The following ZNF407 variants were observed in gnomAD, a reference collection of about 807,000 sequenced individuals.
The protein encoded by ZNF407 is zinc finger protein 407.
In ZNF407, 17 loss-of-function variants were observed where a neutral mutation model predicts 131.2. The observed-to-expected ratio is 0.13, with a 90% CI of 0.09 to 0.19. The LOEUF is 0.19. Ranked by LOEUF, ZNF407 falls within the 10% of genes least tolerant of loss-of-function variation. The probability of loss-of-function intolerance (pLI) is 1.00; values close to 1 mark genes in which losing one functional copy is unlikely to be tolerated. For synonymous variants in ZNF407, 1,156 were observed against 1,062.0 expected (o/e 1.09, Z -1.72); for missense variants, 2,681 against 2,830.6 (o/e 0.95, Z 1.20).
chr18:74,959,354 G>A (rs528149117), intron 8 of ZNF407, among the ~76,000 whole-genome samples: 1 of 152,336 alleles, frequency 6.6e-6, no homozygotes, highest in South Asian at 2.1e-4. Flanking sequence ...CTACTGGGAA[G>A]TAGTGGTTTG....
chr18:75,004,289 G>A (rs1972881494), intron 8 of ZNF407, among the ~76,000 whole-genome samples: 1 of 152,176 alleles, frequency 6.6e-6, no homozygotes, highest in Admixed American at 6.5e-5. Flanking sequence ...CATTCTTGGG[G>A]CTAATTTAGG....
chr18:74,923,357 A>C (rs1258350929), intron 8 of ZNF407, among the ~76,000 whole-genome samples: 1 of 151,638 alleles, frequency 6.6e-6, no homozygotes, highest in Admixed American at 6.6e-5. Context: ...CTACCAGCTT[A>C]AATTTACTGT....
chr18:74,947,992 ATAAT>A (rs1237219468), intron 8 of ZNF407, among the ~76,000 whole-genome samples: 2 of 152,226 alleles, frequency 1.3e-5, no homozygotes, highest in Non-Finnish European at 1.5e-5. Context: ...CAGAGGTAAA[ATAAT>A]TAAGCATCAA....
At chr18:74,623,157 CGT>C (rs36195417) in intron 1 of ZNF407, among the ~76,000 whole-genome samples, 125,457 of 150,478 alleles carry the variant, frequency 0.83, 52,489 homozygotes, top group Middle Eastern at 0.9. Flanking sequence ...TGTGTGAGTG[CGT>C]GTGTGTGTAC....
chr18:74,895,149 T>G (rs958449587), intron 7 of ZNF407, among the ~76,000 whole-genome samples: 12 of 152,124 alleles, frequency 7.9e-5, no homozygotes, highest in African/African-American at 2.9e-4. Flanking sequence ...CCCCTACTTA[T>G]GGCCGATATA....
intron 8 of ZNF407, among the ~76,000 whole-genome samples, chr18:74,999,196 G>T (rs2122154363): frequency 1.2e-5 from 1 of 82,890 alleles, no homozygotes; most frequent in South Asian, 5.4e-4. Flanking sequence ...TGGGGACTGT[G>T]GTGGGGTCGG....
At position 74,849,873 on chromosome 18, in the gene ZNF407, A is replaced by G. The variant is rs995635145; in HGVS notation, c.4878-27324A>G. Among the ~76,000 whole-genome samples the G allele has an allele frequency of 2.0e-5, 3 of 152,372 alleles. No homozygotes were observed. The East Asian group carries it at 5.8e-4, about 29-fold the overall frequency. On this transcript the variant is annotated intron_variant, in intron 4 of 8. Transcript: ENST00000299687. The stretch of plus-strand genomic sequence containing the variant: ...GTTTGATTTCCATTTAGTGCATGTA[A>G]GATAAGCTAACAAAACATTTTGTTT...
chr18:74,620,931 G>A (rs1983484298), intron 1 of ZNF407, among the ~76,000 whole-genome samples: 1 of 152,206 alleles, frequency 6.6e-6, no homozygotes, highest in Admixed American at 6.5e-5. Context: ...TCTGAGCCAA[G>A]CTGGCAAGGA....
chr18:74,919,511 A>G (rs1971817813), intron 7 of ZNF407, among the ~76,000 whole-genome samples: 1 of 152,122 alleles, frequency 6.6e-6, no homozygotes. Flanking sequence ...TTATTCCACA[A>G]TACCTTTGGG....
chr18:74,872,751 T>G (rs1319021849), intron 4 of ZNF407, among the ~76,000 whole-genome samples: 1 of 123,770 alleles, frequency 8.1e-6, no homozygotes, highest in Non-Finnish European at 1.7e-5. Context: ...CGAGACTCAG[T>G]CTCAAAAAAA....
At chr18:74,826,243 T>A (rs1277568474) in intron 4 of ZNF407, among the ~76,000 whole-genome samples, 1 of 152,196 alleles carries the variant, frequency 6.6e-6, no homozygotes, top group Non-Finnish European at 1.5e-5. Context: ...GTACTTCTGG[T>A]TATATGGCAA....
In ZNF407 at chr18:75,048,094, C is replaced by T. The variant is rs146557808; in HGVS notation, c.5429-15056C>T. On this transcript the variant is annotated intron_variant, in intron 8 of 8. Transcript: ENST00000299687. The surrounding 1 kb of genome is among the most constrained non-coding windows in gnomAD (Gnocchi z 4.1). The stretch of plus-strand genomic sequence containing the variant: ...GTATTCATAACTCGTTAACCACGTG[C>T]TCAAGAGGAAAATGACCAGAATCAT... 5.3e-3 allele frequency among the ~76,000 whole-genome samples: 805 copies of T among 152,262 alleles called. 8 individuals carry two copies. The highest frequency in any genetic ancestry group is 0.018 in the African/African-American group (750 of 41,552).
intron 4 of ZNF407, chr18:74,804,238 T>C (rs1970073274): frequency 8.1e-7 from 1 of 1,234,844 alleles, no homozygotes; most frequent in Admixed American, 4.0e-5. Flanking sequence ...AGTGATTTTC[T>C]GGAAGGAACT....
At chr18:75,003,465 T>C (rs1972871480) in intron 8 of ZNF407, among the ~76,000 whole-genome samples, 2 of 152,224 alleles carry the variant, frequency 1.3e-5, no homozygotes, top group Admixed American at 6.5e-5. Context: ...TCAAAAAAAA[T>C]TGGGGAAGAT....
chr18:74,962,754 C>G (rs1445667323), intron 8 of ZNF407, among the ~76,000 whole-genome samples: 1 of 152,252 alleles, frequency 6.6e-6, no homozygotes, highest in East Asian at 1.9e-4. Context: ...TCTGAGTGGA[C>G]ACAGTGCCCT....
chr18:74,651,772 A>C (rs1007484468), intron 3 of ZNF407, among the ~76,000 whole-genome samples: 1 of 152,154 alleles, frequency 6.6e-6, no homozygotes, highest in East Asian at 1.9e-4. Context: ...CCTTAGATGG[A>C]AATGTGCTGT....
intron 3 of ZNF407, among the ~76,000 whole-genome samples, chr18:74,675,774 C>A (rs1337987481): frequency 6.6e-6 from 1 of 152,054 alleles, no homozygotes; most frequent in African/African-American, 2.4e-5. Context: ...GTACTTTTAC[C>A]CTCTTTCCGA....
At chr18:74,873,929 T>C (rs9949567) in intron 4 of ZNF407, among the ~76,000 whole-genome samples, 5,059 of 152,282 alleles carry the variant, frequency 0.033, 267 homozygotes, top group African/African-American at 0.11. Context: ...TCTTGAGAAG[T>C]CTGGATCCAT....
chr18:74,604,996 C>T (rs1289952078), intron 1 of ZNF407, among the ~76,000 whole-genome samples: 1 of 152,104 alleles, frequency 6.6e-6, no homozygotes, highest in Non-Finnish European at 1.5e-5. Context: ...ACATTCTTAC[C>T]CTTATTAGGT....
Sources: allele counts gnomAD v4.1 joint callset (sites outside exome capture counted in the v4.1 genomes callset), GRCh38; gene constraint gnomAD v4.1.1; non-coding constraint Gnocchi (gnomAD v3.1); transcripts MANE v1.5; gene names NCBI Gene and HGNC (gene_info 2026-07-23, HGNC 2026-07-21).